ZNF362: variants seen among roughly 807,000 people sequenced by gnomAD.
ZNF362 encodes the protein rotund homolog.
Under a neutral mutation model 42.9 loss-of-function variants are expected in ZNF362, and 11 were observed. The observed-to-expected ratio is 0.26, with a 90% CI of 0.16 to 0.42. The LOEUF (loss-of-function observed/expected upper bound fraction) is 0.42. ZNF362 is among the 20% of genes least tolerant of loss of function. The pLI is 1.00. For synonymous variants in ZNF362, 255 were observed against 257.3 expected, an observed-to-expected ratio of 0.99 and a Z score of 0.09; for missense variants, 362 against 576.2, an observed-to-expected ratio of 0.63 and a Z score of 3.81.
chr1:33,222,747 TC>T, the ZNF362 span, among the ~76,000 whole-genome samples: 3 of 152,184 alleles, frequency 2.0e-5, no homozygotes, highest in East Asian at 5.8e-4. Context: ...TTCTCATCAT[TC>T]AGTTTGGCAG....
the ZNF362 span, among the ~76,000 whole-genome samples, chr1:33,143,436 C>T: frequency 6.6e-6 from 1 of 152,132 alleles, no homozygotes; most frequent in African/African-American, 2.4e-5. Context: ...AGAGCAGTCA[C>T]AGGGATCTGA....
chr1:33,188,583 A>C, the ZNF362 span, among the ~76,000 whole-genome samples: 1 of 152,204 alleles, frequency 6.6e-6, no homozygotes, highest in Non-Finnish European at 1.5e-5. Context: ...AACTGGCACC[A>C]TGTGGCTGGG....
At chr1:33,235,121 G>A in the ZNF362 span, among the ~76,000 whole-genome samples, 1 of 152,080 alleles carries the variant, frequency 6.6e-6, no homozygotes, top group Non-Finnish European at 1.5e-5. Flanking sequence ...CTGTACCTTA[G>A]GACACTTGGG....
chr1:33,189,189 A>G, the ZNF362 span, among the ~76,000 whole-genome samples: 1 of 152,088 alleles, frequency 6.6e-6, no homozygotes, highest in South Asian at 2.1e-4. Context: ...CCACCAACCT[A>G]TTGTGCCAAC....
At chr1:33,187,015 A>G in the ZNF362 span, among the ~76,000 whole-genome samples, 1 of 151,878 alleles carries the variant, frequency 6.6e-6, no homozygotes, top group Non-Finnish European at 1.5e-5. Context: ...CAGCCCCATA[A>G]GGGTGCACTA....
the ZNF362 span, among the ~76,000 whole-genome samples, chr1:33,231,745 T>C: frequency 2.6e-5 from 4 of 152,196 alleles, no homozygotes; most frequent in African/African-American, 9.6e-5. Flanking sequence ...ATTTGTGGAC[T>C]GAATGAGCGA....
chr1:33,146,080 C>T, the ZNF362 span: 3 of 350,104 alleles, frequency 8.6e-6, no homozygotes, highest in East Asian at 1.6e-4. Flanking sequence ...CAGATGGGGG[C>T]AGCTTTCCTG....
intron 1 of ZNF362, among the ~76,000 whole-genome samples, chr1:33,264,358 T>A (rs1158628353): frequency 6.6e-6 from 1 of 152,130 alleles, no homozygotes; most frequent in Non-Finnish European, 1.5e-5. Context: ...GTCTTTGGAA[T>A]GTTGGGAAAG....
the ZNF362 span, chr1:33,165,659 G>T: frequency 8.9e-7 from 1 of 1,118,950 alleles, no homozygotes; most frequent in Non-Finnish European, 1.2e-6. This position sits in a 1 kb window ranked among gnomAD's most constrained non-coding sequence, Gnocchi z 4.0. Flanking sequence ...GGTTAGCCTG[G>T]TCTCTGTCCC....
chr1:33,276,615 C>T (rs966645737), intron 4 of ZNF362, 21 bp downstream of exon 4: 18 of 1,315,554 alleles, frequency 1.4e-5, no homozygotes, highest in African/African-American at 1.1e-4. Flanking sequence ...CGGGCGGGGC[C>T]GGCGGGGCCG....
At chr1:33,205,702 T>G in the ZNF362 span, among the ~76,000 whole-genome samples, 13 of 151,920 alleles carry the variant, frequency 8.6e-5, no homozygotes, top group African/African-American at 3.1e-4. Context: ...TCACCTGAGG[T>G]CAGGAGTTTG....
the ZNF362 span, among the ~76,000 whole-genome samples, chr1:33,213,647 C>T: frequency 6.6e-6 from 1 of 151,998 alleles, no homozygotes; most frequent in Non-Finnish European, 1.5e-5. Flanking sequence ...GAGATCGAGA[C>T]CATCCTGGCC....
chr1:33,260,328 C>G (rs1183794452), intron 1 of ZNF362, among the ~76,000 whole-genome samples: 1 of 152,246 alleles, frequency 6.6e-6, no homozygotes, highest in Non-Finnish European at 1.5e-5. Context: ...CCATTGCCAC[C>G]TCCAGCCACA....
chr1:33,172,428 CAGGT>C, the ZNF362 span, among the ~76,000 whole-genome samples: 2 of 151,930 alleles, frequency 1.3e-5, no homozygotes, highest in Non-Finnish European at 2.9e-5. Flanking sequence ...AGGCATGTGA[CAGGT>C]GGGTGGAGTC....
At chr1:33,243,648 G>GTCTACTCT in the ZNF362 span, among the ~76,000 whole-genome samples, 1 of 149,838 alleles carries the variant, frequency 6.7e-6, no homozygotes, top group Admixed American at 6.7e-5. Flanking sequence ...CCAGGCTGGC[G>GTCTACTCT]TGCAGTGGTG....
chr1:33,181,032 T>G, the ZNF362 span: 1 of 1,364,124 alleles, frequency 7.3e-7, no homozygotes, highest in Non-Finnish European at 9.6e-7. The surrounding 1 kb of genome is among the most constrained non-coding windows in gnomAD (Gnocchi z 6.5). Context: ...CACCTGCAGC[T>G]CGTCGAAGGC....
chr1:33,234,031 T>C, the ZNF362 span, among the ~76,000 whole-genome samples: 4 of 152,236 alleles, frequency 2.6e-5, no homozygotes, highest in African/African-American at 9.6e-5. Flanking sequence ...AAATCTCATC[T>C]ATTTTTATGA....
the ZNF362 span, among the ~76,000 whole-genome samples, chr1:33,220,466 G>C: frequency 6.6e-6 from 1 of 152,110 alleles, no homozygotes; most frequent in Non-Finnish European, 1.5e-5. Flanking sequence ...CCACACTGAG[G>C]AGTCAGGGAG....
chr1:33,281,926 C>A lies in ZNF362; in HGVS notation c.908+115C>A. The A allele has an allele frequency of 1.9e-6, 2 of 1,059,256 alleles. No homozygotes were observed. Among genetic ancestry groups the A allele is most frequent in the Non-Finnish European group, 2.8e-6 (2 of 718,570 alleles). 65.6% of individuals were successfully genotyped at this position (1,059,256 alleles called of 1,614,324 possible). On this transcript the variant is annotated intron_variant, in intron 6 of 8. Coordinates refer to ENST00000539719, the MANE Select transcript of ZNF362 (RefSeq NM_152493.3). The surrounding 1 kb of genome is among the most constrained non-coding windows in gnomAD (Gnocchi z 4.8). ...ACCTTCTCCAGGTGCCCATTGCCCT[C>A]GGGGTCACGGCCCTTGTGGACCTCA... is the stretch of plus-strand genomic sequence containing the variant.
Sources: gnomAD v4.1 joint callset for allele counts (sites outside exome capture counted in the v4.1 genomes callset) on GRCh38, gnomAD v4.1.1 for gene constraint, Gnocchi (gnomAD v3.1) non-coding constraint, MANE v1.5 for transcripts, NCBI Gene and HGNC (gene_info 2026-07-23, HGNC 2026-07-21) for gene names.